FAM184B: variants seen among roughly 807,000 people sequenced by gnomAD.
FAM184B encodes the protein family with sequence similarity 184 member B, also known as protein FAM184B.
In FAM184B, 111 loss-of-function variants were observed where a neutral mutation model predicts 135.9. That is an observed-to-expected ratio of 0.82 (90% CI 0.70 to 0.96). FAM184B has a LOEUF of 0.96. FAM184B is among the 40% of genes least tolerant of loss of function. FAM184B has a pLI of 0.00. For missense variants in FAM184B, 1,375 were observed against 1,323.9 expected (o/e 1.04, Z -0.60); for synonymous variants, 552 against 524.8 (o/e 1.05, Z -0.71).
intron 1 of FAM184B, among the ~76,000 whole-genome samples, chr4:17,724,665 C>A (rs1271694286): frequency 1.3e-5 from 2 of 152,326 alleles, no homozygotes; most frequent in African/African-American, 2.4e-5. Context: ...CCACACCGCA[C>A]AAACAACAGA....
intron 7 of FAM184B, among the ~76,000 whole-genome samples, chr4:17,681,780 G>T (rs529607297): frequency 2.0e-5 from 3 of 152,188 alleles, no homozygotes; most frequent in Non-Finnish European, 4.4e-5. Flanking sequence ...CTTCCCCATG[G>T]CATCCCATTT....
chr4:17,765,703 T>A (rs1718657682), intron 1 of FAM184B, among the ~76,000 whole-genome samples: 1 of 152,234 alleles, frequency 6.6e-6, no homozygotes, highest in Non-Finnish European at 1.5e-5. Context: ...TTTAACACTG[T>A]GGTAATGCGT....
intron 7 of FAM184B, among the ~76,000 whole-genome samples, chr4:17,684,175 AAATAATTATATATAAAATAG>A (rs1352465440): frequency 6.9e-6 from 1 of 145,092 alleles, no homozygotes; most frequent in Non-Finnish European, 1.5e-5. Context: ...ATATAAAATA[AAATAATTATATATAAAATAG>A]TTATATAAAA....
intron 8 of FAM184B, among the ~76,000 whole-genome samples, chr4:17,664,307 T>C (rs1715993644): frequency 1.3e-5 from 2 of 152,108 alleles, no homozygotes; most frequent in South Asian, 4.1e-4. Flanking sequence ...CTTGGAAAGG[T>C]TTGCTAACTT....
intron 1 of FAM184B, among the ~76,000 whole-genome samples, chr4:17,721,533 G>T (rs1717530283): frequency 6.6e-6 from 1 of 152,146 alleles, no homozygotes; most frequent in Non-Finnish European, 1.5e-5. Context: ...AGTACCATGA[G>T]CAGGAAGTAG....
chr4:17,650,408 G>C (rs6849704), intron 11 of FAM184B, among the ~76,000 whole-genome samples: 79,530 of 152,086 alleles, frequency 0.52, 23,398 homozygotes, highest in East Asian at 0.88. Flanking sequence ...TGTCATCACA[G>C]AGTCCACAAA....
chr4:17,692,457 T>A (rs991214509), intron 6 of FAM184B, among the ~76,000 whole-genome samples: 1 of 152,254 alleles, frequency 6.6e-6, no homozygotes, highest in Non-Finnish European at 1.5e-5. Flanking sequence ...CCTGTGTACT[T>A]ATCACTCAGC....
chr4:17,657,696 A>G (rs112594491), intron 10 of FAM184B, among the ~76,000 whole-genome samples: 3,322 of 125,010 alleles, frequency 0.027, 126 homozygotes, highest in African/African-American at 0.095. Context: ...TTGCTCTGTC[A>G]CCCAGGATGG....
chr4:17,779,773 C>G (rs184531925), intron 1 of FAM184B, among the ~76,000 whole-genome samples: 19 of 152,340 alleles, frequency 1.2e-4, no homozygotes, highest in Admixed American at 1.2e-3. Flanking sequence ...TAATTGGAAA[C>G]ACCCAATTTA....
chr4:17,768,654 CCAA>C lies in FAM184B; in HGVS notation c.141+12502_141+12504del, dbSNP rs1367337316. 3.5e-3 allele frequency among the ~76,000 whole-genome samples: 537 copies of C among 152,208 alleles called. 8 individuals carry two copies. The highest frequency in any genetic ancestry group is 0.012 in the African/African-American group (506 of 41,534). ...TTTATGGTTTTCAGTTTTCAATTATCCAAAATGTCCAAATGACGTCGAATAAGA... is the reference window on the plus strand; with the variant it reads ...TTTATGGTTTTCAGTTTTCAATTATCAATGTCCAAATGACGTCGAATAAGA... On this transcript the variant is annotated intron_variant, in intron 1 of 17. Coordinates refer to ENST00000265018, the MANE Select transcript of FAM184B (RefSeq NM_015688.2).
intron 7 of FAM184B, 119 bp downstream of exon 7, chr4:17,688,305 A>C: frequency 1.5e-6 from 1 of 670,238 alleles, no homozygotes; most frequent in Non-Finnish European, 2.5e-6. Flanking sequence ...GCATTTTGGC[A>C]GTGTCGAGGA....
intron 12 of FAM184B, among the ~76,000 whole-genome samples, chr4:17,643,480 G>T (rs1157771105): frequency 6.6e-6 from 1 of 151,912 alleles, no homozygotes; most frequent in African/African-American, 2.4e-5. Flanking sequence ...GTGCTCCTTG[G>T]CTTCTATCCA....
At chr4:17,726,303 A>C (rs2108975029) in intron 1 of FAM184B, among the ~76,000 whole-genome samples, 1 of 152,306 alleles carries the variant, frequency 6.6e-6, no homozygotes, top group African/African-American at 2.4e-5. Flanking sequence ...ATTGGCTCAT[A>C]TACCTGAAAA....
intron 7 of FAM184B, among the ~76,000 whole-genome samples, chr4:17,686,872 G>T (rs1437978388): frequency 6.6e-6 from 1 of 152,204 alleles, no homozygotes; most frequent in African/African-American, 2.4e-5. Flanking sequence ...AGGCCAGGAG[G>T]TTGAGGCTGC....
Position 17,659,981 on chromosome 4 carries a change from G to A in FAM184B, c.1801C>T (p.Gln601Ter). The A allele has an allele frequency of 1.3e-6, 2 of 1,551,170 alleles. No homozygotes were observed. Among genetic ancestry groups the A allele is most frequent in the South Asian group, 1.2e-5 (1 of 84,022 alleles). ...IQRLEEDWQS[Q>*]KAKLQAQVSQ... Reference sequence around the variant, plus strand: ...ACCTGGGCTTGCAATTTGGCCTTCTGGCTTTGCCAGTCCTCCTCTAGACGC... The same window carrying A: ...ACCTGGGCTTGCAATTTGGCCTTCTAGCTTTGCCAGTCCTCCTCTAGACGC... Residue 601 changes from glutamine (Q) to a stop codon, truncating the protein, a stop_gained, in exon 9 of 18, where the codon CAG (glutamine) becomes TAG (stop). Transcript: ENST00000265018. LOFTEE classifies it high-confidence loss of function.
chr4:17,663,240 CATATATCTTT>C (rs1388709219), intron 8 of FAM184B, among the ~76,000 whole-genome samples: 2 of 152,152 alleles, frequency 1.3e-5, no homozygotes. Context: ...CCCGGCCTCA[CATATATCTTT>C]TTTAGGGAAG....
intron 1 of FAM184B, among the ~76,000 whole-genome samples, chr4:17,760,468 TC>T (rs1452050064): frequency 7.3e-6 from 1 of 136,358 alleles, no homozygotes; most frequent in African/African-American, 2.9e-5. Context: ...AGACTCCATC[TC>T]AAAAAAAAAA....
intron 1 of FAM184B, among the ~76,000 whole-genome samples, chr4:17,731,757 TAGAC>T (rs1717781631): frequency 2.6e-5 from 4 of 152,140 alleles, no homozygotes; most frequent in Admixed American, 2.6e-4. Flanking sequence ...CTGTCAACAT[TAGAC>T]AGATCAACGA....
rs1717076070 is a variant in FAM184B at position 17,705,083 on chromosome 4, G to A, written c.1294C>T (p.Leu432=). ...KHLKDQLVKR[L]EDLVKKHTVE... Reference sequence around the variant, plus strand: ...GTGTGCTTCTTTACCAAGTCTTCTAGTCGCTTCACTAGCTGGTCTTTGAGA... The same window carrying A: ...GTGTGCTTCTTTACCAAGTCTTCTAATCGCTTCACTAGCTGGTCTTTGAGA... Residue 432 remains leucine, a synonymous_variant, in exon 5 of 18, where the codon CTA becomes TTA. Transcript: ENST00000265018. 1.3e-6 allele frequency: 2 copies of A among 1,551,776 alleles called. No individual in the cohort carries two copies. Among genetic ancestry groups the A allele is most frequent in the African/African-American group, 2.7e-5 (2 of 73,172 alleles).
Sources: allele counts gnomAD v4.1 joint callset (sites outside exome capture counted in the v4.1 genomes callset), GRCh38; gene constraint gnomAD v4.1.1; transcripts MANE v1.5; gene names NCBI Gene and HGNC (gene_info 2026-07-23, HGNC 2026-07-21).